ANKRD30BL: variants seen among roughly 807,000 people sequenced by gnomAD.
The protein encoded by ANKRD30BL is ankyrin repeat domain 30B like.
In ANKRD30BL, 20 loss-of-function variants were observed where a neutral mutation model predicts 18.4. The observed-to-expected ratio is 1.09, with a 90% CI of 0.77 to 1.58. The LOEUF (loss-of-function observed/expected upper bound fraction) is 1.58, where lower values mean the gene tolerates loss of function less well. ANKRD30BL is among the 40% of genes most tolerant of loss of function. The probability of loss-of-function intolerance (pLI) is 0.00; values close to 1 mark genes in which losing one functional copy is unlikely to be tolerated. For synonymous variants in ANKRD30BL, 72 were observed against 100.9 expected (o/e 0.71, Z 1.72); for missense variants, 224 against 268.6 (o/e 0.83, Z 1.16).
chr2:132,170,761 G>A (rs1184944126), intron 1 of ANKRD30BL, among the ~76,000 whole-genome samples: 1 of 152,346 alleles, frequency 6.6e-6, no homozygotes, highest in African/African-American at 2.4e-5. Context: ...AGAACCTGGT[G>A]GAGGGAAGAC....
chr2:132,237,445 T>A (rs1573876402), intron 1 of ANKRD30BL, among the ~76,000 whole-genome samples: 1 of 152,032 alleles, frequency 6.6e-6, no homozygotes, highest in Admixed American at 6.6e-5. Flanking sequence ...AACGGGAATA[T>A]CTTCACATAA....
At chr2:132,255,972 T>C (rs1051846310) in intron 1 of ANKRD30BL, among the ~76,000 whole-genome samples, 1 of 152,172 alleles carries the variant, frequency 6.6e-6, no homozygotes, top group African/African-American at 2.4e-5. Context: ...GGTTTTGATC[T>C]GATAAATGCA....
At chr2:132,155,751 T>A (rs1197043492) in intron 3 of ANKRD30BL, 3 of 151,804 alleles carry the variant, frequency 2.0e-5, no homozygotes, top group Non-Finnish European at 4.4e-5. Context: ...TACAAAAAAT[T>A]TAGCTGGGCG....
intron 1 of ANKRD30BL, among the ~76,000 whole-genome samples, chr2:132,234,836 T>C (rs1043732852): frequency 1.3e-5 from 2 of 152,196 alleles, no homozygotes; most frequent in African/African-American, 4.8e-5. Flanking sequence ...ACTCATTTTA[T>C]GAGGCCAGCA....
rs1687646876 is a variant in ANKRD30BL at position 132,147,863 on chromosome 2, T to A, written c.*268A>T. The stretch of plus-strand genomic sequence containing the variant: ...TACAGAGCAGGTGTCTAAGGATGAC[T>A]AAGGACAGAGCAGGTTACTAAGAAT... On this transcript the variant is annotated 3_prime_UTR_variant, in exon 6 of 6. Transcript: ENST00000409867. 55 of 414,678 alleles carry A rather than the reference T, an allele frequency of 1.3e-4. No homozygotes were observed. The highest frequency in any genetic ancestry group is 1.3e-3 in the South Asian group (54 of 41,138). 25.7% of individuals were successfully genotyped at this position (414,678 alleles called of 1,614,324 possible).
intron 1 of ANKRD30BL, among the ~76,000 whole-genome samples, chr2:132,232,996 A>C (rs1474195490): frequency 6.6e-6 from 1 of 152,132 alleles, no homozygotes; most frequent in East Asian, 1.9e-4. Context: ...CTTGGCAGAA[A>C]CCCTACAAGC....
chr2:132,197,026 G>A (rs1420358511), intron 1 of ANKRD30BL, among the ~76,000 whole-genome samples: 1 of 152,204 alleles, frequency 6.6e-6, no homozygotes, highest in East Asian at 1.9e-4. Context: ...TCATATTTAA[G>A]GACAGTATTC....
chr2:132,232,859 G>C (rs1680060899), intron 1 of ANKRD30BL, among the ~76,000 whole-genome samples: 1 of 151,918 alleles, frequency 6.6e-6, no homozygotes, highest in African/African-American at 2.4e-5. Flanking sequence ...TCCTCGAGAA[G>C]AGCAACTCCA....
chr2:132,198,320 C>T (rs13014930), intron 1 of ANKRD30BL, among the ~76,000 whole-genome samples: 819 of 10,348 alleles, frequency 0.079, 78 homozygotes, highest in African/African-American at 0.15. Flanking sequence ...TTCTTTCTTT[C>T]TTTCTTTTTT....
At chr2:132,246,986 A>T (rs1415572536) in intron 1 of ANKRD30BL, among the ~76,000 whole-genome samples, 26 of 96,232 alleles carry the variant, frequency 2.7e-4, no homozygotes, top group South Asian at 3.2e-4. Context: ...TCTTCACATA[A>T]AAATTAGACA....
chr2:132,233,079 C>T (rs982794831), intron 1 of ANKRD30BL, among the ~76,000 whole-genome samples: 1 of 151,804 alleles, frequency 6.6e-6, no homozygotes, highest in African/African-American at 2.4e-5. Context: ...CATATCCAGC[C>T]AAACAAAGCT....
chr2:132,221,743 C>T (rs1223639513), intron 1 of ANKRD30BL, among the ~76,000 whole-genome samples: 9 of 98,764 alleles, frequency 9.1e-5, no homozygotes, highest in East Asian at 3.1e-4. Context: ...AGGTGAGGGG[C>T]GCCTCTGCCC....
At position 132,223,697 on chromosome 2, in the gene ANKRD30BL, T is replaced by G. The variant is rs1053132093; in HGVS notation, n.441+33832A>C. Among the ~76,000 whole-genome samples, 8 of 151,708 alleles carry G rather than the reference T, an allele frequency of 5.3e-5. No individual in the cohort carries two copies. In the Admixed American group the frequency reaches 5.3e-4, roughly 10 times the overall value. ...TACATTCAACTCACAGACTTGAAGCTTTCTTTTGATAGAGCAGGTTTGAAA... is the reference window on the plus strand; with the variant it reads ...TACATTCAACTCACAGACTTGAAGCGTTCTTTTGATAGAGCAGGTTTGAAA... On this transcript the variant is annotated intron_variant and non_coding_transcript_variant, in intron 1 of 4. Transcript: ENST00000470729.
intron 1 of ANKRD30BL, among the ~76,000 whole-genome samples, chr2:132,254,065 CCCA>C (rs1283330602): frequency 1.3e-5 from 2 of 149,258 alleles, no homozygotes; most frequent in Non-Finnish European, 3.0e-5. Context: ...CACCCCCGCG[CCCA>C]CCGACACACA....
intron 1 of ANKRD30BL, among the ~76,000 whole-genome samples, chr2:132,232,132 T>A (rs970710712): frequency 7.2e-5 from 11 of 152,026 alleles, no homozygotes; most frequent in Non-Finnish European, 1.5e-4. Context: ...GTCCTGTCTG[T>A]TAGAAGGAAA....
intron 1 of ANKRD30BL, among the ~76,000 whole-genome samples, chr2:132,222,311 G>A (rs548743255): frequency 5.7e-4 from 86 of 152,204 alleles, no homozygotes; most frequent in African/African-American, 1.5e-3. Context: ...CCCTCTGCCC[G>A]GCCATGACCC....
Position 132,161,667 on chromosome 2 carries a change from C to T in ANKRD30BL, c.39G>A (p.Thr13=), listed in dbSNP as rs1688066522. 4 of 1,451,088 alleles carry T rather than the reference C, an allele frequency of 2.8e-6. No individual in the cohort carries two copies. Among genetic ancestry groups the T allele is most frequent in the South Asian group, 2.4e-5 (2 of 81,932 alleles). 89.9% of individuals were successfully genotyped at this position (1,451,088 alleles called of 1,614,324 possible). ...RLSAAPVKGQ[T]GPERPSPFSQ... ...TGAAGGGGCTCGGGCGCTCTGGGCC[C>T]GTCTGGCCCTTGACAGGGGCGGCAG... Residue 13 remains threonine (T), a synonymous_variant, in exon 1 of 6, where the codon ACG becomes ACA. Coordinates refer to ENST00000409867, the MANE Select transcript of ANKRD30BL (RefSeq NM_001358416.1).
intron 1 of ANKRD30BL, among the ~76,000 whole-genome samples, chr2:132,191,672 G>T (rs1270879621): frequency 1.3e-5 from 2 of 150,080 alleles, no homozygotes; most frequent in African/African-American, 2.5e-5. Context: ...TTTGGTTATT[G>T]TCATCTACTC....
At chr2:132,241,687 A>G in intron 1 of ANKRD30BL, among the ~76,000 whole-genome samples, 1 of 151,420 alleles carries the variant, frequency 6.6e-6, no homozygotes, top group African/African-American at 2.4e-5. Flanking sequence ...GAATAGCTTC[A>G]CACAAAAACT....
Sources: gnomAD v4.1 joint callset for allele counts (sites outside exome capture counted in the v4.1 genomes callset) on GRCh38, gnomAD v4.1.1 for gene constraint, MANE v1.5 for transcripts, NCBI Gene and HGNC (gene_info 2026-07-23, HGNC 2026-07-21) for gene names.